The following NAA50 variants were observed in gnomAD, a reference collection of about 807,000 sequenced individuals.
The protein encoded by NAA50 is N-alpha-acetyltransferase 50, NatE catalytic subunit.
Under a neutral mutation model 20.7 loss-of-function variants are expected in NAA50, and 7 were observed. That is an observed-to-expected ratio of 0.34 (90% CI 0.19 to 0.63). The LOEUF (loss-of-function observed/expected upper bound fraction) is 0.63. Ranked by LOEUF, NAA50 falls within the 30% of genes least tolerant of loss-of-function variation. NAA50 has a pLI of 0.75. For missense variants in NAA50, 111 were observed against 199.1 expected, an observed-to-expected ratio of 0.56 and a Z score of 2.66; for synonymous variants, 54 against 70.6, an observed-to-expected ratio of 0.77 and a Z score of 1.18.
chr3:113,746,114 G>C lies in NAA50; in HGVS notation c.-165C>G. 1.2e-6 allele frequency: 1 copy of C among 844,168 alleles called. No homozygotes were observed. 52.3% of individuals were successfully genotyped at this position (844,168 alleles called of 1,614,324 possible). ...ACGAAGGCCGCGAGAGTCGAGTGAG[G>C]GCTTGAGTCTGGTGGGGGCGGGAGT... On this transcript the variant is annotated 5_prime_UTR_variant, in exon 1 of 5. Coordinates refer to ENST00000240922, the MANE Select transcript of NAA50 (RefSeq NM_025146.4).
chr3:113,723,623 G>C, intron 2 of NAA50, 82 bp from the exon 3 acceptor site: 1 of 1,362,710 alleles, frequency 7.3e-7, no homozygotes. Flanking sequence ...GGACTACACT[G>C]TTCCTATCAA....
At chr3:113,745,829 C>T (rs1708488612) in intron 1 of NAA50, 113 bp downstream of exon 1, 1 of 1,265,226 alleles carries the variant, frequency 7.9e-7, no homozygotes, top group East Asian at 2.9e-5. Context: ...GAGAAATCTC[C>T]CTCCGCCCGT....
chr3:113,733,722 G>A (rs1330080968), intron 1 of NAA50, among the ~76,000 whole-genome samples: 3 of 151,442 alleles, frequency 2.0e-5, no homozygotes, highest in Admixed American at 6.6e-5. Context: ...GTGTGGTGGC[G>A]CACACCTGTA....
chr3:113,743,998 G>T (rs1430365930), intron 1 of NAA50, among the ~76,000 whole-genome samples: 1 of 152,104 alleles, frequency 6.6e-6, no homozygotes, highest in Non-Finnish European at 1.5e-5. Context: ...GAAGATTTTG[G>T]ATCTAAACAT....
chr3:113,733,230 T>C (rs543433625), intron 1 of NAA50, among the ~76,000 whole-genome samples: 7 of 152,330 alleles, frequency 4.6e-5, no homozygotes, highest in African/African-American at 1.7e-4. Context: ...AGCTTGTCTT[T>C]TCATTTTCTT....
rs750620830 is a variant in NAA50 at position 113,717,441 on chromosome 3, AAT to A, written c.*4317_*4318del. 5.3e-5 allele frequency: 8 copies of A among 152,238 alleles called. No individual in the cohort carries two copies. The highest frequency in any genetic ancestry group is 1.7e-4 in the African/African-American group (7 of 41,462). The allele number at this position is 152,238 out of a possible 1,614,324, so 9.4% of individuals were successfully genotyped here. A position where few individuals can be genotyped will look rare whatever the true frequency, so the allele number is the denominator to read the frequency against. On this transcript the variant is annotated 3_prime_UTR_variant, in exon 5 of 5. Transcript: ENST00000240922. Reference sequence around the variant, plus strand: ...CAGTAACAGATCGTTCTCTGACTTAAATAATTCTCAATGTTCTACCAAGTTAA... The same window carrying A: ...CAGTAACAGATCGTTCTCTGACTTAAAATTCTCAATGTTCTACCAAGTTAA...
chr3:113,726,073 T>A (rs2107986078), intron 1 of NAA50, among the ~76,000 whole-genome samples: 1 of 152,350 alleles, frequency 6.6e-6, no homozygotes, highest in East Asian at 1.9e-4. Context: ...GCCTTGATTA[T>A]TTTTTATACC....
chr3:113,723,405 A>G lies in NAA50; in HGVS notation c.265+17T>C, dbSNP rs772005948. 1.3e-6 allele frequency: 2 copies of G among 1,592,314 alleles called. No homozygotes were observed. The highest frequency in any genetic ancestry group is 1.7e-6 in the Non-Finnish European group (2 of 1,170,392). The stretch of plus-strand genomic sequence containing the variant: ...TTTATGCTTCTCTGAAGAAGTAAAA[A>G]AACCACAATTTTTTACCTATTCCTA... On this transcript the variant is annotated intron_variant, in intron 3 of 4. Transcript: ENST00000240922.
intron 4 of NAA50, 60 bp downstream of exon 4, chr3:113,722,846 A>G (rs991831731): frequency 4.8e-6 from 7 of 1,458,732 alleles, no homozygotes; most frequent in Non-Finnish European, 6.4e-6. Context: ...AGTTTCTAGT[A>G]AAGATTTCTC....
At chr3:113,745,702 T>A in intron 1 of NAA50, 1 of 507,494 alleles carries the variant, frequency 2.0e-6, no homozygotes, top group Non-Finnish European at 3.5e-6. Context: ...CAACCCACAC[T>A]CGTCTCCGAA....
intron 1 of NAA50, among the ~76,000 whole-genome samples, chr3:113,730,457 A>G (rs1274908805): frequency 7.4e-6 from 1 of 135,984 alleles, no homozygotes; most frequent in East Asian, 2.0e-4. Flanking sequence ...AAAAAAAAAG[A>G]AAAAAAAAAA....
chr3:113,742,627 G>A (rs1708433821), intron 1 of NAA50, among the ~76,000 whole-genome samples: 1 of 152,142 alleles, frequency 6.6e-6, no homozygotes. Context: ...TATGCTGTCA[G>A]AGGTAACCAC....
intron 1 of NAA50, chr3:113,739,366 G>T (rs1160759631): frequency 6.6e-6 from 1 of 152,118 alleles, no homozygotes; most frequent in Non-Finnish European, 1.5e-5. Context: ...AGAATAAATT[G>T]CTACTATCTT....
At chr3:113,744,065 A>C (rs966787365) in intron 1 of NAA50, among the ~76,000 whole-genome samples, 1 of 152,142 alleles carries the variant, frequency 6.6e-6, no homozygotes, top group Non-Finnish European at 1.5e-5. Flanking sequence ...AACACTGGGA[A>C]CTCTTCAGCC....
At position 113,741,430 on chromosome 3, in the gene NAA50, CTGGTTACTACTGGTATTCTAT is replaced by C. The variant is rs539477830; in HGVS notation, c.8+4491_8+4511del. 4.6e-3 allele frequency among the ~76,000 whole-genome samples: 695 copies of C among 152,292 alleles called. 14 individuals are homozygous for C. The highest frequency in any genetic ancestry group is 0.034 in the Admixed American group (514 of 15,296). Reference sequence around the variant, plus strand: ...GTTCACGATGGGAAGAATGTGTCTACTGGTTACTACTGGTATTCTATTGGTTACTGCAGGCTGCATTTAAAA... The same window carrying C: ...GTTCACGATGGGAAGAATGTGTCTACTGGTTACTGCAGGCTGCATTTAAAA... On this transcript the variant is annotated intron_variant, in intron 1 of 4. Coordinates refer to ENST00000240922, the MANE Select transcript of NAA50 (RefSeq NM_025146.4).
chr3:113,735,691 T>C (rs1330263936), intron 1 of NAA50, among the ~76,000 whole-genome samples: 1 of 152,148 alleles, frequency 6.6e-6, no homozygotes, highest in African/African-American at 2.4e-5. Context: ...GGTTTTTTGT[T>C]TGTTTGGTTT....
chr3:113,734,459 G>C (rs993833887), intron 1 of NAA50, among the ~76,000 whole-genome samples: 1 of 152,008 alleles, frequency 6.6e-6, no homozygotes, highest in Non-Finnish European at 1.5e-5. Flanking sequence ...TAAGATAAAA[G>C]CTGAAAAAGA....
At chr3:113,725,463 AAAAC>A (rs1228007305) in intron 1 of NAA50, among the ~76,000 whole-genome samples, 1 of 152,336 alleles carries the variant, frequency 6.6e-6, no homozygotes, top group Non-Finnish European at 1.5e-5. Flanking sequence ...AAAATGCAAA[AAAAC>A]AAAAACAGAA....
At chr3:113,729,822 T>G (rs1708249155) in intron 1 of NAA50, among the ~76,000 whole-genome samples, 1 of 152,142 alleles carries the variant, frequency 6.6e-6, no homozygotes, top group Non-Finnish European at 1.5e-5. Context: ...CCTCCCAAAG[T>G]GCTGGGATTA....
Sources: gnomAD v4.1 joint callset for allele counts (sites outside exome capture counted in the v4.1 genomes callset) on GRCh38, gnomAD v4.1.1 for gene constraint, MANE v1.5 for transcripts, NCBI Gene and HGNC (gene_info 2026-07-23, HGNC 2026-07-21) for gene names.